Variants in ADK observed in about 807,000 individuals in gnomAD.
The protein encoded by ADK is adenosine kinase.
Under a neutral mutation model 44.7 loss-of-function variants are expected in ADK, and 24 were observed. The ratio of observed to expected loss-of-function variants is 0.54; its 90% CI spans 0.39 to 0.76. The LOEUF (loss-of-function observed/expected upper bound fraction) is 0.76. Among genes scored for constraint, ADK ranks in the 30% least tolerant of loss-of-function variants. The pLI is 0.00. For missense variants in ADK, 321 were observed against 425.1 expected, an observed-to-expected ratio of 0.76 and a Z score of 2.15; for synonymous variants, 128 against 142.6, an observed-to-expected ratio of 0.90 and a Z score of 0.73.
intron 6 of ADK, among the ~76,000 whole-genome samples, chr10:74,406,912 C>T (rs2132922076): frequency 6.6e-6 from 1 of 151,638 alleles, no homozygotes; most frequent in South Asian, 2.1e-4. Flanking sequence ...AACTCCTGAC[C>T]TCATGATCTG....
rs1282488692 is a variant in ADK, at chr10:74,163,991, A to G, written c.65+12648A>G. ...TTGAAGATTGAAGCCATTAAGCCGT[A>G]GAAGTGATGCAGATTTATGCTGTTG... On this transcript the variant is annotated intron_variant, in intron 1 of 10. Transcript: ENST00000539909. Among the ~76,000 whole-genome samples the G allele has an allele frequency of 2.0e-5, 3 of 152,240 alleles. No individual in the cohort carries two copies. The East Asian group carries it at 5.8e-4, about 29-fold the overall frequency.
At chr10:74,154,492 C>T (rs1841696384) in intron 1 of ADK, among the ~76,000 whole-genome samples, 1 of 152,134 alleles carries the variant, frequency 6.6e-6, no homozygotes, top group African/African-American at 2.4e-5. Context: ...TGGTCTTGAA[C>T]TTCTGACCTC....
chr10:74,643,542 G>A (rs900442689), intron 9 of ADK, among the ~76,000 whole-genome samples: 7 of 151,872 alleles, frequency 4.6e-5, no homozygotes, highest in Non-Finnish European at 7.4e-5. Flanking sequence ...TAAAATTCTC[G>A]ATTTTATCTT....
intron 6 of ADK, among the ~76,000 whole-genome samples, chr10:74,523,593 A>G (rs1029971651): frequency 3.3e-5 from 5 of 152,002 alleles, no homozygotes; most frequent in Non-Finnish European, 7.4e-5. Flanking sequence ...CTCTTTCATG[A>G]CCTTTCCTCT....
chr10:74,568,286 C>T (rs1373324377), intron 7 of ADK, among the ~76,000 whole-genome samples: 1 of 152,124 alleles, frequency 6.6e-6, no homozygotes, highest in Non-Finnish European at 1.5e-5. Context: ...TATATTCTGA[C>T]TTTAAATATT....
At chr10:74,176,706 C>T in intron 1 of ADK, 1 of 1,469,102 alleles carries the variant, frequency 6.8e-7, no homozygotes, top group Non-Finnish European at 9.0e-7. Flanking sequence ...CCAATCAGCA[C>T]GCCGGGCCGG....
chr10:74,235,863 G>A (rs1389988385), intron 3 of ADK, among the ~76,000 whole-genome samples: 4 of 152,190 alleles, frequency 2.6e-5, no homozygotes, highest in African/African-American at 9.7e-5. Flanking sequence ...TAATGCAGGA[G>A]TGGGTTAGTT....
intron 7 of ADK, among the ~76,000 whole-genome samples, chr10:74,553,783 A>G (rs746781275): frequency 5.9e-5 from 9 of 152,188 alleles, no homozygotes; most frequent in Non-Finnish European, 1.3e-4. Flanking sequence ...TTGGATAACC[A>G]TTTAAGATCC....
At chr10:74,212,258 G>T (rs1397529937) in intron 2 of ADK, among the ~76,000 whole-genome samples, 1 of 152,122 alleles carries the variant, frequency 6.6e-6, no homozygotes, top group Non-Finnish European at 1.5e-5. Flanking sequence ...TGAAGGAAAT[G>T]GTACTTCTAA....
intron 9 of ADK, among the ~76,000 whole-genome samples, chr10:74,622,284 T>C (rs952682233): frequency 6.6e-6 from 1 of 152,190 alleles, no homozygotes; most frequent in Admixed American, 6.5e-5. Context: ...CTCAGCCTCT[T>C]ACCCGACACA....
chr10:74,211,085 A>G (rs1843794935), intron 2 of ADK, among the ~76,000 whole-genome samples: 1 of 152,144 alleles, frequency 6.6e-6, no homozygotes, highest in South Asian at 2.1e-4. Context: ...GGGTTTCACC[A>G]TGTTGACCAG....
chr10:74,375,919 G>A lies in ADK; in HGVS notation c.274-18222G>A, dbSNP rs370442816. ...GTGTGGGGTTTTTGTTGTTGCTGCT[G>A]TTGTTGTTTTTACACTTTTGGTTAA... is the stretch of plus-strand genomic sequence containing the variant. On this transcript the variant is annotated intron_variant, in intron 4 of 10. Transcript: ENST00000539909. Among the ~76,000 whole-genome samples, 129 of 151,982 alleles carry A rather than the reference G, an allele frequency of 8.5e-4. 1 individual carries two copies. The South Asian group carries it at 0.011, about 13-fold the overall frequency.
chr10:74,300,292 TTCCTTCCTTCCTTCCTTCTTTCC>T, intron 3 of ADK, among the ~76,000 whole-genome samples: 17 of 82,178 alleles, frequency 2.1e-4, no homozygotes, highest in African/African-American at 8.8e-4. Context: ...CCTTCCTTCC[TTCCTTCCTTCCTTCCTTCTTTCC>T]TTCCTTCCTT....
At chr10:74,666,029 G>A (rs985984965) in intron 9 of ADK, among the ~76,000 whole-genome samples, 2 of 152,078 alleles carry the variant, frequency 1.3e-5, no homozygotes, top group Non-Finnish European at 2.9e-5. Flanking sequence ...ATTTAGTGGA[G>A]GTAAACCTGC....
At chr10:74,634,301 G>A (rs965593785) in intron 9 of ADK, among the ~76,000 whole-genome samples, 6 of 151,790 alleles carry the variant, frequency 4.0e-5, no homozygotes, top group African/African-American at 9.7e-5. Context: ...TACAAGCTCC[G>A]CCTCCCCAGT....
intron 2 of ADK, among the ~76,000 whole-genome samples, chr10:74,213,956 C>A (rs995385617): frequency 3.9e-4 from 60 of 151,904 alleles, no homozygotes; most frequent in Non-Finnish European, 1.8e-4. Context: ...TCATTTTGAA[C>A]AATTATCAGT....
intron 3 of ADK, among the ~76,000 whole-genome samples, chr10:74,283,014 T>C (rs986914636): frequency 1.3e-5 from 2 of 152,198 alleles, no homozygotes; most frequent in Non-Finnish European, 1.5e-5. Context: ...ACTTTAGTCA[T>C]AGGTAAACAC....
intron 7 of ADK, among the ~76,000 whole-genome samples, chr10:74,567,703 T>G (rs938387550): frequency 2.7e-4 from 40 of 145,562 alleles, no homozygotes; most frequent in African/African-American, 9.6e-4. Context: ...TTTTTTGTTT[T>G]TTTTTTTTTT....
At chr10:74,173,418 T>G (rs1299082683) in intron 1 of ADK, among the ~76,000 whole-genome samples, 1 of 146,716 alleles carries the variant, frequency 6.8e-6, no homozygotes. Flanking sequence ...GAAAATTTTT[T>G]TTCTTTTTCT....
Sources: allele counts gnomAD v4.1 joint callset (sites outside exome capture counted in the v4.1 genomes callset), GRCh38; gene constraint gnomAD v4.1.1; transcripts MANE v1.5; gene names NCBI Gene and HGNC (gene_info 2026-07-23, HGNC 2026-07-21).